Variants in MINDY4B observed in about 807,000 individuals in gnomAD.
MINDY4B encodes the protein MINDY family member 4B, also known as inactive ubiquitin carboxyl-terminal hydrolase MINDY-4B.
MINDY4B carries 25 observed loss-of-function variants against 16.7 expected under a neutral mutation model. The ratio of observed to expected loss-of-function variants is 1.49; its 90% CI spans 1.09 to 2.09. MINDY4B has a LOEUF of 2.09. Among genes scored for constraint, MINDY4B ranks in the 30% most tolerant of loss-of-function variants. The pLI, the probability that MINDY4B is intolerant of heterozygous loss-of-function variation, is 0.00. For missense variants in MINDY4B, 327 were observed against 168.4 expected, an observed-to-expected ratio of 1.94 and a Z score of -5.21; for synonymous variants, 132 against 61.9, an observed-to-expected ratio of 2.13 and a Z score of -5.32.
intron 7 of MINDY4B, among the ~76,000 whole-genome samples, chr3:150,888,222 C>G (rs1291791772): frequency 1.3e-5 from 2 of 152,160 alleles, no homozygotes; most frequent in Non-Finnish European, 2.9e-5. Flanking sequence ...AAGCATCACT[C>G]TGGTCCCAGC....
Position 150,890,943 on chromosome 3 carries a change from C to A in MINDY4B, c.682G>T (p.Glu228Ter). The change falls in exon 6 of 12, where the codon GAG becomes TAG. Residue 228 changes from glutamate to a stop codon, truncating the protein, a stop_gained. Coordinates refer to ENST00000465419, the MANE Select transcript of MINDY4B (RefSeq NM_001351281.2). LOFTEE classifies it high-confidence loss of function. Reference protein sequence around the residue: ...TPDYSVDNFTERLQLFEFLEK... With the variant: ...TPDYSVDNFT ...ACAGGGAGAACTGCACTTACTCGCT[C>A]AGTGAAATTGTCCACAGAGTAGTCC... 1 of 702,600 alleles carries A rather than the reference C, an allele frequency of 1.4e-6. No homozygotes were observed. The allele number at this position is 702,600 out of a possible 1,614,324, so 43.5% of individuals were successfully genotyped here. A position where few individuals can be genotyped will look rare whatever the true frequency, so the allele number is the denominator to read the frequency against.
chr3:150,882,069 G>C (rs924234247), intron 10 of MINDY4B, among the ~76,000 whole-genome samples: 14 of 152,172 alleles, frequency 9.2e-5, no homozygotes, highest in Admixed American at 3.9e-4. Flanking sequence ...GCTTGTGGGG[G>C]TTTACATCCT....
At chr3:150,900,967 G>T (rs1712100988) in intron 3 of MINDY4B, among the ~76,000 whole-genome samples, 1 of 152,154 alleles carries the variant, frequency 6.6e-6, no homozygotes, top group African/African-American at 2.4e-5. Flanking sequence ...AAAGGTATGT[G>T]GTGAAGACTC....
intron 3 of MINDY4B, among the ~76,000 whole-genome samples, chr3:150,899,896 C>T (rs372353946): frequency 8.5e-5 from 13 of 152,294 alleles, no homozygotes; most frequent in East Asian, 5.8e-4. Context: ...GCCTATTATC[C>T]CATTTCAGAG....
At chr3:150,881,956 A>G (rs1397042289) in intron 10 of MINDY4B, among the ~76,000 whole-genome samples, 1 of 152,190 alleles carries the variant, frequency 6.6e-6, no homozygotes, top group Non-Finnish European at 1.5e-5. Flanking sequence ...CCCTATATAC[A>G]TGAAAGGCGT....
At chr3:150,889,169 A>G (rs556469676) in intron 7 of MINDY4B, among the ~76,000 whole-genome samples, 9 of 152,370 alleles carry the variant, frequency 5.9e-5, no homozygotes, top group South Asian at 2.1e-4. Flanking sequence ...TTATGATCTT[A>G]CAGTTCTAGA....
chr3:150,891,181 C>G (rs1385183022), intron 5 of MINDY4B, 78 bp from the exon 6 acceptor site: 24 of 655,082 alleles, frequency 3.7e-5, no homozygotes, highest in Admixed American at 1.9e-4. Context: ...TAATTTGCTC[C>G]TGGTCATTGA....
rs1050264766 is a variant in MINDY4B at position 150,893,521 on chromosome 3, A to C, written c.430-106T>G. On this transcript the variant is annotated intron_variant, in intron 4 of 11. Coordinates refer to ENST00000465419, the MANE Select transcript of MINDY4B (RefSeq NM_001351281.2). ...CCTGGTATCCCCCAGAGCTTTGTGA[A>C]GGGACACCATGCTATATTTGTGCCA... The C allele has an allele frequency of 4.4e-6, 3 of 686,172 alleles. No individual in the cohort carries two copies. The East Asian group carries it at 8.1e-5, about 19-fold the overall frequency. 42.5% of individuals were successfully genotyped at this position (686,172 alleles called of 1,614,324 possible).
chr3:150,892,200 C>T (rs1462353974), intron 5 of MINDY4B, among the ~76,000 whole-genome samples: 1 of 152,224 alleles, frequency 6.6e-6, no homozygotes, highest in Non-Finnish European at 1.5e-5. Flanking sequence ...GCAAGAGGTA[C>T]AGAAGCCCTG....
At chr3:150,890,832 C>T in intron 6 of MINDY4B, 106 bp downstream of exon 6, 1 of 643,418 alleles carries the variant, frequency 1.6e-6, no homozygotes, top group Non-Finnish European at 2.9e-6. Flanking sequence ...CCTCCGGTCA[C>T]ATCAGGAGCA....
chr3:150,893,382 C>A lies in MINDY4B; in HGVS notation c.463G>T (p.Gly155Ter). ...GARSIQMAVQ[G>*]SIIKYLLFTR... ...AACAACAAGTATTTGATGATGGATC[C>A]TTGCACAGCCATCTGAATGCTTCGG... is the stretch of plus-strand genomic sequence containing the variant. Residue 155 changes from glycine to a stop codon, truncating the protein, a stop_gained, in exon 5 of 12, where the codon GGA becomes TGA. Transcript: ENST00000465419. LOFTEE classifies it high-confidence loss of function. 1.4e-6 allele frequency: 1 copy of A among 702,716 alleles called. No individual in the cohort carries two copies. The allele number at this position is 702,716 out of a possible 1,614,324, so 43.5% of individuals were successfully genotyped here. A position where few individuals can be genotyped will look rare whatever the true frequency, so the allele number is the denominator to read the frequency against.
intron 3 of MINDY4B, among the ~76,000 whole-genome samples, chr3:150,899,828 A>T (rs374923195): frequency 9.9e-5 from 15 of 152,176 alleles, no homozygotes; most frequent in Non-Finnish European, 1.3e-4. Context: ...AGACCCATCT[A>T]TGAGCTAGAC....
At chr3:150,899,364 A>T (rs907560372) in intron 3 of MINDY4B, among the ~76,000 whole-genome samples, 27 of 152,202 alleles carry the variant, frequency 1.8e-4, no homozygotes, top group African/African-American at 6.5e-4. Flanking sequence ...TAAGACAGAG[A>T]CTATTTATAA....
At chr3:150,882,806 G>A (rs1241099944) in intron 10 of MINDY4B, 91 bp downstream of exon 10, 3 of 527,616 alleles carry the variant, frequency 5.7e-6, no homozygotes, top group Non-Finnish European at 1.0e-5. Flanking sequence ...GAGAAAGTAG[G>A]CTCGGGTTTG....
At chr3:150,886,228 AG>A (rs1327669788) in intron 7 of MINDY4B, among the ~76,000 whole-genome samples, 5 of 152,216 alleles carry the variant, frequency 3.3e-5, no homozygotes, top group African/African-American at 1.2e-4. Flanking sequence ...CTTGCTGACA[AG>A]TAGAATAGCT....
intron 3 of MINDY4B, among the ~76,000 whole-genome samples, chr3:150,896,720 G>A (rs549297720): frequency 6.6e-6 from 1 of 152,312 alleles, no homozygotes; most frequent in South Asian, 2.1e-4. Flanking sequence ...CAAAAGTCCT[G>A]TGATGTGAAC....
At chr3:150,895,276 T>G (rs1234511574) in intron 3 of MINDY4B, among the ~76,000 whole-genome samples, 1 of 152,214 alleles carries the variant, frequency 6.6e-6, no homozygotes, top group Admixed American at 6.5e-5. Context: ...CCTACTTTAA[T>G]CATGTAAGTA....
intron 7 of MINDY4B, among the ~76,000 whole-genome samples, chr3:150,887,847 G>A (rs13074947): frequency 0.066 from 10,081 of 152,222 alleles, 464 homozygotes; most frequent in African/African-American, 0.12. Context: ...GGTGGCTCAC[G>A]CCTGTAATCC....
intron 11 of MINDY4B, among the ~76,000 whole-genome samples, chr3:150,872,009 T>G (rs1226498145): frequency 6.6e-6 from 1 of 152,216 alleles, no homozygotes; most frequent in Non-Finnish European, 1.5e-5. Context: ...TAGCATCTAT[T>G]GCTAAACTTC....
Sources: allele counts gnomAD v4.1 joint callset (sites outside exome capture counted in the v4.1 genomes callset), GRCh38; gene constraint gnomAD v4.1.1; transcripts MANE v1.5; gene names NCBI Gene and HGNC (gene_info 2026-07-23, HGNC 2026-07-21).